Variants in COL16A1 observed in about 807,000 individuals in gnomAD.
COL16A1 encodes collagen type XVI alpha 1 chain.
A neutral mutation model predicts 266.3 loss-of-function variants in COL16A1; 189 were observed. That is an observed-to-expected ratio of 0.71 (90% CI 0.63 to 0.80). COL16A1 has a LOEUF of 0.80. Ranked by LOEUF, COL16A1 falls within the 30% of genes least tolerant of loss-of-function variation. COL16A1 has a pLI of 0.00. For missense variants in COL16A1, 1,928 were observed against 2,122.4 expected (o/e 0.91, Z 1.80); for synonymous variants, 740 against 782.3 (o/e 0.95, Z 0.90).
In COL16A1 at chr1:31,663,850, G is replaced by A. The variant is rs929683704; in HGVS notation, c.3556-1192C>T. On this transcript the variant is annotated intron_variant, in intron 56 of 70. Coordinates refer to ENST00000373672, the MANE Select transcript of COL16A1 (RefSeq NM_001856.4). This position sits in a 1 kb window ranked among gnomAD's most constrained non-coding sequence, Gnocchi z 4.9. Reference sequence around the variant, plus strand: ...ATTGGAATGTTTACCAGAAAAGGCGGGGGGAGGCAAGCAGCATAGCGGGGA... The same window carrying A: ...ATTGGAATGTTTACCAGAAAAGGCGAGGGGAGGCAAGCAGCATAGCGGGGA... Among the ~76,000 whole-genome samples, 4 of 152,162 alleles carry A rather than the reference G, an allele frequency of 2.6e-5. No individual in the cohort carries two copies. Among genetic ancestry groups the A allele is most frequent in the Non-Finnish European group, 5.9e-5 (4 of 68,030 alleles).
At chr1:31,684,672 C>T (rs969574617) in intron 30 of COL16A1, 42 bp from the exon 31 acceptor site, 11 of 1,609,058 alleles carry the variant, frequency 6.8e-6, no homozygotes, top group African/African-American at 5.3e-5. Flanking sequence ...ATGGCCCAGC[C>T]GGGGGCAGGT....
chr1:31,691,233 G>T lies in COL16A1; in HGVS notation c.1399-7C>A. On this transcript the variant is annotated splice_polypyrimidine_tract_variant and splice_region_variant and intron_variant, in intron 19 of 70. Transcript: ENST00000373672. Reference sequence around the variant, plus strand: ...GTGGGCCACCTGGATCCCCCTGAGGGCAGAAACAGAGTCACGTGGAAGTTT... The same window carrying T: ...GTGGGCCACCTGGATCCCCCTGAGGTCAGAAACAGAGTCACGTGGAAGTTT... 6.2e-7 allele frequency: 1 copy of T among 1,613,876 alleles called. No individual in the cohort carries two copies. The highest frequency in any genetic ancestry group is 8.5e-7 in the Non-Finnish European group (1 of 1,179,898).
At chr1:31,669,226 C>T (rs1642427140) in intron 49 of COL16A1, among the ~76,000 whole-genome samples, 1 of 152,080 alleles carries the variant, frequency 6.6e-6, no homozygotes, top group Non-Finnish European at 1.5e-5. Flanking sequence ...TGTGCTTATT[C>T]TGAGGGGCAA....
In COL16A1 at chr1:31,695,789, T is replaced by C; in HGVS notation, c.919-2A>G. The C allele has an allele frequency of 6.2e-7, 1 of 1,612,692 alleles. No homozygotes were observed. The highest frequency in any genetic ancestry group is 8.5e-7 in the Non-Finnish European group (1 of 1,179,142). ...ATCGGCTGCTGTCTCCTGATGGACC[T>C]GAGGAAAGGGTGGGGGGTGTGGGAA... On this transcript the variant is annotated splice_acceptor_variant, in intron 9 of 70. Transcript: ENST00000373672. LOFTEE classifies it high-confidence loss of function.
rs1352764641 is a variant in COL16A1, at chr1:31,672,479, A to G, written c.3042T>C (p.Pro1014=). 2 of 1,614,190 alleles carry G rather than the reference A, an allele frequency of 1.2e-6. No individual in the cohort carries two copies. Among genetic ancestry groups the G allele is most frequent in the Admixed American group, 1.7e-5 (1 of 60,010 alleles). Residue 1014 remains proline (P), a synonymous_variant, in exon 47 of 71, where the codon CCT becomes CCC. Transcript: ENST00000373672. ...EARGDNSEGD[P]GCVGSPGLPG... ...GTAGGCCTGGGCTCCCAACACAGCCAGGATCTCCCTCACTGTTGTCACCCT... is the reference window on the plus strand; with the variant it reads ...GTAGGCCTGGGCTCCCAACACAGCCGGGATCTCCCTCACTGTTGTCACCCT...
chr1:31,655,925 G>T, intron 66 of COL16A1: 1 of 292,104 alleles, frequency 3.4e-6, no homozygotes. Context: ...CCCCTCCTGA[G>T]CTGAAGTGTT....
In COL16A1 at chr1:31,653,954, C is replaced by G; in HGVS notation, c.4447G>C (p.Ala1483Pro). Residue 1483 changes from alanine to proline, a missense_variant, in exon 69 of 71, where the codon GCT (alanine) becomes CCT (proline). Transcript: ENST00000373672. ...CCTGGAGCACCTGGCCTGCCCGGAG[C>G]ACCATCCTTCCCTGGAGGCCCTGGT... is the stretch of plus-strand genomic sequence containing the variant. ...GRPGPPGKDG[A>P]PGRPGAPGSP... The G allele has an allele frequency of 6.2e-7, 1 of 1,614,206 alleles. No homozygotes were observed. Among genetic ancestry groups the G allele is most frequent in the Non-Finnish European group, 8.5e-7 (1 of 1,180,032 alleles).
In COL16A1 at chr1:31,702,160, G is replaced by A. The variant is rs1252418710; in HGVS notation, c.34C>T (p.Leu12Phe). 6.8e-6 allele frequency: 11 copies of A among 1,614,054 alleles called. No homozygotes were observed. The highest frequency in any genetic ancestry group is 3.3e-5 in the South Asian group (3 of 91,090). ...TGGCCGAAGGTAGCCCAAAGACCGA[G>A]CAGCCACAGGCCAGGAGCCCAGGAT... Reference protein sequence around the residue: ...WVSWAPGLWLLGLWATFGHGA... With the variant: ...WVSWAPGLWLFGLWATFGHGA... Residue 12 changes from leucine to phenylalanine, a missense_variant, in exon 2 of 71, where the codon CTC becomes TTC. Leu to Phe is a conservative substitution (Grantham distance 22). This residue lies in a region of COL16A1 where 1,552 missense variants were observed against 1,637.2 expected (regional missense o/e 0.95). Transcript: ENST00000373672.
rs1386876568 is a variant in COL16A1 at position 31,692,496 on chromosome 1, A to G, written c.1172T>C (p.Leu391Pro). 1.2e-6 allele frequency: 2 copies of G among 1,613,628 alleles called. No homozygotes were observed. The highest frequency in any genetic ancestry group is 8.5e-7 in the Non-Finnish European group (1 of 1,179,720). Reference protein sequence around the residue: ...GESGALGPSGLPGSTGEKGQK... With the variant: ...GESGALGPSGPPGSTGEKGQK... The stretch of plus-strand genomic sequence containing the variant: ...TACCTTCTCGCCTGTTGAGCCTGGG[A>G]GTCCTGAGGGTCCCTGAGATGAGGA... Residue 391 changes from leucine to proline, a missense_variant, in exon 16 of 71, where the codon CTC becomes CCC. This residue lies in a region of COL16A1 where 1,552 missense variants were observed against 1,637.2 expected (regional missense o/e 0.95). Transcript: ENST00000373672.
At chr1:31,655,562 C>A (rs1156545124) in intron 66 of COL16A1, 60 bp from the exon 67 acceptor site, 7 of 1,594,160 alleles carry the variant, frequency 4.4e-6, no homozygotes, top group Non-Finnish European at 5.1e-6. Context: ...CCAATCTGCT[C>A]TTTTCTCTCC....
chr1:31,654,525 T>C (rs1640933361), intron 68 of COL16A1, among the ~76,000 whole-genome samples: 1 of 152,188 alleles, frequency 6.6e-6, no homozygotes, highest in Non-Finnish European at 1.5e-5. Flanking sequence ...GCAGACTCGT[T>C]TAATACCAAT....
At chr1:31,702,317 C>T (rs1644752737) in intron 1 of COL16A1, 90 bp from the exon 2 acceptor site, 2 of 1,362,354 alleles carry the variant, frequency 1.5e-6, no homozygotes, top group Non-Finnish European at 1.0e-6. Flanking sequence ...CTGTGGGGCC[C>T]AGGCACTGGT....
intron 2 of COL16A1, chr1:31,701,629 GC>G: frequency 1.1e-6 from 1 of 930,744 alleles, no homozygotes; most frequent in Non-Finnish European, 1.3e-6. Flanking sequence ...GAGATTCAGG[GC>G]CAGCCGTGGA....
intron 44 of COL16A1, chr1:31,673,284 TG>T (rs1348627640): frequency 8.4e-6 from 2 of 239,286 alleles, no homozygotes; most frequent in East Asian, 2.3e-4. Flanking sequence ...CAGGAGCCCC[TG>T]GGACAGATCT....
chr1:31,680,595 G>A (rs1016104362), intron 39 of COL16A1, among the ~76,000 whole-genome samples: 9 of 152,104 alleles, frequency 5.9e-5, no homozygotes, highest in Non-Finnish European at 2.9e-5. Flanking sequence ...TGAAAATGCA[G>A]CTGCCCTCCT....
At chr1:31,654,083 C>G (rs898979076) in intron 68 of COL16A1, 40 bp from the exon 69 acceptor site, 4 of 1,577,784 alleles carry the variant, frequency 2.5e-6, no homozygotes, top group Non-Finnish European at 3.4e-6. Context: ...GTCAGAGGGT[C>G]CCCCAGGGAC....
rs1644572272 is a variant in COL16A1, at chr1:31,698,002, G to A, written c.561C>T (p.Ser187=). The A allele has an allele frequency of 6.2e-7, 1 of 1,613,460 alleles. No homozygotes were observed. ...GRVASVHVDC[S]SASSQPLGPR... is the part of the protein sequence containing the mutation. ...GCCCCAGAGGCTGGGAGGAGGCTGA[G>A]CTGCAGTCCACGTGCACAGAGGCCA... Residue 187 remains serine, a synonymous_variant, in exon 6 of 71, where the codon AGC becomes AGT. Coordinates refer to ENST00000373672, the MANE Select transcript of COL16A1 (RefSeq NM_001856.4). The surrounding 1 kb of genome is among the most constrained non-coding windows in gnomAD (Gnocchi z 4.1).
chr1:31,658,489 G>T lies in COL16A1; in HGVS notation c.4019C>A (p.Pro1340Gln), dbSNP rs868048114. 6.3e-7 allele frequency: 1 copy of T among 1,597,954 alleles called. No homozygotes were observed. Among genetic ancestry groups the T allele is most frequent in the Non-Finnish European group, 8.5e-7 (1 of 1,172,706 alleles). The change falls in exon 64 of 71, where the codon CCA becomes CAA. Residue 1340 changes from proline to glutamine, a missense_variant and splice_region_variant. Around this residue, in one of 2 missense-constraint regions of COL16A1, gnomAD observed 376 missense variants for 485.2 expected, o/e 0.77. Coordinates refer to ENST00000373672, the MANE Select transcript of COL16A1 (RefSeq NM_001856.4). ...QPGPPGHPGP[P>Q]GEPGTDGAAG... is the part of the protein sequence containing the mutation. ...ATGCTGTAGAATGTGGGATCTTACT[G>T]GGGGGCCAGGGTGTCCAGGGGGGCC...
At chr1:31,686,168 C>T (rs1643963504) in intron 27 of COL16A1, 33 bp from the exon 28 acceptor site, 2 of 1,614,144 alleles carry the variant, frequency 1.2e-6, no homozygotes, top group Non-Finnish European at 1.7e-6. Context: ...TAATGCCCAG[C>T]ATCTGCCAGG....
Sources: gnomAD v4.1 joint callset for allele counts (sites outside exome capture counted in the v4.1 genomes callset) on GRCh38, gnomAD v4.1.1 for gene constraint, gnomAD v4.1.1 regional missense constraint, Gnocchi (gnomAD v3.1) non-coding constraint, MANE v1.5 for transcripts, NCBI Gene and HGNC (gene_info 2026-07-23, HGNC 2026-07-21) for gene names.